RALYL: variants seen among roughly 807,000 people sequenced by gnomAD.
RALYL encodes the protein RALY RNA binding protein like, also known as RNA-binding Raly-like protein.
RALYL carries 29 observed loss-of-function variants against 35.1 expected under a neutral mutation model. The ratio of observed to expected loss-of-function variants is 0.83; its 90% confidence interval spans 0.61 to 1.13. The LOEUF is 1.13. RALYL is among the 50% of genes most tolerant of loss of function. The probability of loss-of-function intolerance (pLI) is 0.00; values close to 1 mark genes in which losing one functional copy is unlikely to be tolerated. For missense variants in RALYL, 359 were observed against 360.4 expected (o/e 1.00, Z 0.03); for synonymous variants, 120 against 127.6 (o/e 0.94, Z 0.40).
intron 1 of RALYL, among the ~76,000 whole-genome samples, chr8:84,430,469 C>T (rs2047024944): frequency 6.6e-6 from 1 of 152,044 alleles, no homozygotes; most frequent in African/African-American, 2.4e-5. Context: ...GAAAGAAAGT[C>T]ACTCACAAAG....
At chr8:84,919,617 G>C (rs564501912) in intron 8 of RALYL, among the ~76,000 whole-genome samples, 1 of 152,066 alleles carries the variant, frequency 6.6e-6, no homozygotes, top group East Asian at 1.9e-4. Flanking sequence ...TGGGTAAGGA[G>C]AAAGAGAGGG....
intron 1 of RALYL, among the ~76,000 whole-genome samples, chr8:84,493,691 T>A (rs952966195): frequency 2.0e-5 from 3 of 152,212 alleles, no homozygotes; most frequent in Admixed American, 6.5e-5. Context: ...CATATGTTTT[T>A]CATATGTTTG....
chr8:84,446,746 C>T (rs2048899452), intron 1 of RALYL, among the ~76,000 whole-genome samples: 1 of 151,912 alleles, frequency 6.6e-6, no homozygotes, highest in African/African-American at 2.4e-5. Context: ...GAGGGCTGTC[C>T]AAGGTGAATA....
intron 2 of RALYL, among the ~76,000 whole-genome samples, chr8:84,683,852 T>C (rs968006684): frequency 6.6e-6 from 1 of 152,044 alleles, no homozygotes; most frequent in African/African-American, 2.4e-5. Context: ...ATGCCCAGCT[T>C]ATTCTGTATA....
At chr8:84,834,936 A>G (rs1831650686) in intron 4 of RALYL, among the ~76,000 whole-genome samples, 1 of 152,238 alleles carries the variant, frequency 6.6e-6, no homozygotes, top group East Asian at 1.9e-4. Context: ...ACTCATAAAC[A>G]GCCAAATACA....
chr8:84,515,527 A>G (rs1315176648), intron 1 of RALYL, among the ~76,000 whole-genome samples: 1 of 152,172 alleles, frequency 6.6e-6, no homozygotes, highest in East Asian at 1.9e-4. Flanking sequence ...ACTATTTTTT[A>G]CATATCTCTG....
chr8:84,377,463 T>TTGTTTGTTTGTTTGTTTGTTTG (rs1563816414), intron 1 of RALYL, among the ~76,000 whole-genome samples: 19 of 145,482 alleles, frequency 1.3e-4, no homozygotes, highest in African/African-American at 4.0e-4. Context: ...TTTTTTTTTT[T>TTGTTTGTTTGTTTGTTTGTTTG]TTTTTTTTTT....
At chr8:84,738,001 A>AGACATT (rs553313176) in intron 2 of RALYL, among the ~76,000 whole-genome samples, 42 of 152,062 alleles carry the variant, frequency 2.8e-4, no homozygotes, top group Non-Finnish European at 4.6e-4. Flanking sequence ...AGACCATGTC[A>AGACATT]GACATTGTAC....
intron 1 of RALYL, among the ~76,000 whole-genome samples, chr8:84,286,655 A>G (rs766501166): frequency 5.9e-5 from 9 of 152,214 alleles, no homozygotes; most frequent in East Asian, 1.9e-4. Context: ...CATGGAGACT[A>G]TATATTGGTA....
chr8:84,781,501 G>C (rs1318052913), intron 3 of RALYL, among the ~76,000 whole-genome samples: 2 of 152,192 alleles, frequency 1.3e-5, no homozygotes, highest in Non-Finnish European at 2.9e-5. Flanking sequence ...AAAGAATAGA[G>C]TAGAGGTAGA....
At chr8:84,455,937 A>G (rs950550054) in intron 1 of RALYL, among the ~76,000 whole-genome samples, 1 of 152,020 alleles carries the variant, frequency 6.6e-6, no homozygotes, top group African/African-American at 2.4e-5. Flanking sequence ...ATCTTCAGCC[A>G]TGCTATTTCC....
chr8:84,191,839 T>C (rs1563506183), intron 1 of RALYL, among the ~76,000 whole-genome samples: 1 of 152,216 alleles, frequency 6.6e-6, no homozygotes, highest in Non-Finnish European at 1.5e-5. Context: ...TCTTAGTTGA[T>C]GAGGGACAGC....
At chr8:84,680,803 T>C (rs1835301367) in intron 2 of RALYL, among the ~76,000 whole-genome samples, 1 of 152,162 alleles carries the variant, frequency 6.6e-6, no homozygotes, top group South Asian at 2.1e-4. Context: ...TGTAGGTTGC[T>C]TGTTCACTCT....
intron 2 of RALYL, among the ~76,000 whole-genome samples, chr8:84,680,331 G>C (rs1448813107): frequency 1.3e-5 from 2 of 152,084 alleles, no homozygotes; most frequent in East Asian, 1.9e-4. Flanking sequence ...TGTCTTTATA[G>C]CAGCATGATT....
At chr8:84,745,377 A>C (rs918340326) in intron 2 of RALYL, among the ~76,000 whole-genome samples, 1 of 152,166 alleles carries the variant, frequency 6.6e-6, no homozygotes, top group South Asian at 2.1e-4. Context: ...CTATGATGAA[A>C]AAATTTTAGT....
intron 1 of RALYL, among the ~76,000 whole-genome samples, chr8:84,420,162 A>G (rs2045330808): frequency 6.6e-6 from 1 of 151,930 alleles, no homozygotes; most frequent in African/African-American, 2.4e-5. Context: ...AGTCCCAGCA[A>G]CAGTGTAAAA....
intron 1 of RALYL, among the ~76,000 whole-genome samples, chr8:84,392,500 C>A (rs971602560): frequency 1.3e-5 from 2 of 151,736 alleles, no homozygotes; most frequent in African/African-American, 4.8e-5. Context: ...AGTGCATTTG[C>A]AGCACAAATC....
At chr8:84,315,846 G>A (rs1008977145) in intron 1 of RALYL, among the ~76,000 whole-genome samples, 2 of 150,240 alleles carry the variant, frequency 1.3e-5, no homozygotes, top group Admixed American at 6.6e-5. Flanking sequence ...TCTGAATCAA[G>A]GACACAAATA....
chr8:84,644,250 G>A (rs1179090816), intron 2 of RALYL, among the ~76,000 whole-genome samples: 3 of 151,954 alleles, frequency 2.0e-5, no homozygotes, highest in Admixed American at 6.6e-5. Flanking sequence ...GCACTTTTAG[G>A]CTAGACTCTT....
Sources: gnomAD v4.1 joint callset for allele counts (sites outside exome capture counted in the v4.1 genomes callset) on GRCh38, gnomAD v4.1.1 for gene constraint, MANE v1.5 for transcripts, NCBI Gene and HGNC (gene_info 2026-07-23, HGNC 2026-07-21) for gene names.